The following IL1RAPL2 variants were observed in gnomAD, a reference collection of about 807,000 sequenced individuals.
IL1RAPL2 encodes interleukin 1 receptor accessory protein like 2.
IL1RAPL2 carries 3 observed loss-of-function variants against 44.1 expected under a neutral mutation model. That is an observed-to-expected ratio of 0.07 (90% CI 0.03 to 0.18). The LOEUF is 0.18. Ranked by LOEUF, IL1RAPL2 falls within the 10% of genes least tolerant of loss-of-function variation. The pLI is 1.00. For synonymous variants in IL1RAPL2, 181 were observed against 178.8 expected, an observed-to-expected ratio of 1.01 and a Z score of -0.10; for missense variants, 391 against 496.4, an observed-to-expected ratio of 0.79 and a Z score of 2.02.
chrX:104,674,828 G>A (rs1930708714), intron 2 of IL1RAPL2, among the ~76,000 whole-genome samples: 2 of 111,619 alleles, frequency 1.8e-5, no homozygotes, highest in African/African-American at 6.5e-5. Flanking sequence ...AGTTTTGGGA[G>A]AGTGTATGTG....
rs187800329 is a variant in IL1RAPL2 at position 105,711,864 on chromosome X, A to G, written c.773-5503A>G. On this transcript the variant is annotated intron_variant, in intron 6 of 10. Coordinates refer to ENST00000372582, the MANE Select transcript of IL1RAPL2 (RefSeq NM_017416.2). ...AGTCCAAAACCCAAAATGGAATACA[A>G]CATTTAATCTTAAAACTGGAGAATA... Among the ~76,000 whole-genome samples, 218 of 112,251 alleles carry G rather than the reference A, an allele frequency of 1.9e-3. 3 individuals carry two copies. The highest frequency in any genetic ancestry group is 6.8e-3 in the African/African-American group (211 of 30,909).
intron 5 of IL1RAPL2, among the ~76,000 whole-genome samples, chrX:105,453,457 C>T (rs1055132004): frequency 1.8e-5 from 2 of 112,129 alleles, no homozygotes; most frequent in Admixed American, 1.9e-4. Flanking sequence ...GTATATAATG[C>T]AAACCACTTG....
rs1190615708 is a variant in IL1RAPL2 at position 105,218,631 on chromosome X, G to C, written c.357-15187G>C. On this transcript the variant is annotated intron_variant, in intron 3 of 10. Transcript: ENST00000372582. ...CACAAATAAAAGCTGCAGCACTTCTGGGGTATTGAGTGCAAGTGCTCTGGA... is the reference window on the plus strand; with the variant it reads ...CACAAATAAAAGCTGCAGCACTTCTCGGGTATTGAGTGCAAGTGCTCTGGA... 4.5e-5 allele frequency among the ~76,000 whole-genome samples: 5 copies of C among 110,301 alleles called. No homozygotes were observed. The South Asian group carries it at 2.0e-3, about 44-fold the overall frequency.
intron 2 of IL1RAPL2, among the ~76,000 whole-genome samples, chrX:104,857,358 G>C (rs1460850351): frequency 9.0e-6 from 1 of 111,691 alleles, no homozygotes; most frequent in Non-Finnish European, 1.9e-5. Flanking sequence ...TGCTCCAAGG[G>C]CTGTAGGGTG....
At chrX:105,700,319 T>C (rs893352884) in intron 6 of IL1RAPL2, among the ~76,000 whole-genome samples, 5 of 112,150 alleles carry the variant, frequency 4.5e-5, no homozygotes, top group African/African-American at 6.5e-5. Context: ...GCTTAAATTA[T>C]TGGAGATAAT....
At chrX:105,453,779 A>G (rs1326872013) in intron 5 of IL1RAPL2, among the ~76,000 whole-genome samples, 1 of 112,093 alleles carries the variant, frequency 8.9e-6, no homozygotes, top group African/African-American at 3.2e-5. Flanking sequence ...ATACTCCTCC[A>G]GTAATTGCTC....
chrX:104,906,230 T>G (rs1331761662), intron 2 of IL1RAPL2, among the ~76,000 whole-genome samples: 1 of 111,668 alleles, frequency 9.0e-6, no homozygotes, highest in East Asian at 2.8e-4. Context: ...TTTGTAGATA[T>G]ACAATCATGT....
At chrX:105,560,369 G>A (rs2036926431) in intron 6 of IL1RAPL2, among the ~76,000 whole-genome samples, 2 of 111,771 alleles carry the variant, frequency 1.8e-5, no homozygotes, top group East Asian at 2.8e-4. Flanking sequence ...TTGGCTAGAT[G>A]CCTGGACTTT....
At chrX:104,982,375 C>T (rs1333728355) in intron 2 of IL1RAPL2, among the ~76,000 whole-genome samples, 1 of 111,152 alleles carries the variant, frequency 9.0e-6, no homozygotes, top group Non-Finnish European at 1.9e-5. Flanking sequence ...ATTTTTAAGG[C>T]ACCCATACCC....
At chrX:105,039,028 G>A (rs1020257916) in intron 2 of IL1RAPL2, among the ~76,000 whole-genome samples, 1 of 111,623 alleles carries the variant, frequency 9.0e-6, no homozygotes, top group Non-Finnish European at 1.9e-5. Flanking sequence ...ACATATTTCA[G>A]TAGAATTAGG....
intron 2 of IL1RAPL2, among the ~76,000 whole-genome samples, chrX:104,924,713 G>A (rs888830816): frequency 9.0e-6 from 1 of 111,082 alleles, no homozygotes; most frequent in Non-Finnish European, 1.9e-5. Context: ...TAAGAGGAAA[G>A]TTTATAGTAT....
intron 1 of IL1RAPL2, among the ~76,000 whole-genome samples, chrX:104,590,410 TG>T (rs1928642269): frequency 8.9e-6 from 1 of 112,018 alleles, no homozygotes; most frequent in South Asian, 3.7e-4. Context: ...ACATGATTTT[TG>T]ATGACATTCT....
At chrX:105,272,466 C>G (rs2034454981) in intron 5 of IL1RAPL2, among the ~76,000 whole-genome samples, 1 of 111,672 alleles carries the variant, frequency 9.0e-6, no homozygotes, top group South Asian at 3.7e-4. Context: ...TAGAAGAAAC[C>G]ACTAACCTGT....
At chrX:105,150,179 A>G (rs1485280028) in intron 2 of IL1RAPL2, among the ~76,000 whole-genome samples, 1 of 111,553 alleles carries the variant, frequency 9.0e-6, no homozygotes, top group Admixed American at 9.6e-5. Flanking sequence ...AGAGCATGCA[A>G]ATACTATTAT....
At chrX:105,247,937 TA>T (rs919705282) in intron 4 of IL1RAPL2, among the ~76,000 whole-genome samples, 3 of 110,389 alleles carry the variant, frequency 2.7e-5, no homozygotes, top group African/African-American at 9.9e-5. Flanking sequence ...TTTTTTTTTA[TA>T]AAAAAGAGAA....
intron 2 of IL1RAPL2, among the ~76,000 whole-genome samples, chrX:104,786,927 C>CAT (rs1932801572): frequency 6.1e-5 from 1 of 16,491 alleles, no homozygotes; most frequent in Non-Finnish European, 1.3e-4. Flanking sequence ...TATTCTCTCT[C>CAT]TCTCTCTCTC....
chrX:104,944,143 C>T (rs968119726), intron 2 of IL1RAPL2, among the ~76,000 whole-genome samples: 2 of 111,207 alleles, frequency 1.8e-5, no homozygotes, highest in African/African-American at 3.3e-5. Flanking sequence ...ACAATATGCC[C>T]GCTATCCACA....
intron 1 of IL1RAPL2, among the ~76,000 whole-genome samples, chrX:104,645,851 T>C (rs1372044267): frequency 1.8e-5 from 2 of 112,566 alleles, no homozygotes; most frequent in Non-Finnish European, 3.8e-5. Flanking sequence ...GTTAGAATGA[T>C]ATATCACTAT....
At chrX:105,540,300 C>T (rs2147796833) in intron 6 of IL1RAPL2, among the ~76,000 whole-genome samples, 1 of 111,742 alleles carries the variant, frequency 8.9e-6, no homozygotes, top group Admixed American at 9.5e-5. Flanking sequence ...TGCCTATCAA[C>T]AGTGGATCGA....
Sources: gnomAD v4.1 joint callset for allele counts (sites outside exome capture counted in the v4.1 genomes callset) on GRCh38, gnomAD v4.1.1 for gene constraint, MANE v1.5 for transcripts, NCBI Gene and HGNC (gene_info 2026-07-23, HGNC 2026-07-21) for gene names.